ADGRL3: variants seen among roughly 807,000 people sequenced by gnomAD.
ADGRL3 encodes calcium-independent alpha-latrotoxin receptor 3.
ADGRL3 carries 62 observed loss-of-function variants against 153.5 expected under a neutral mutation model. The ratio of observed to expected loss-of-function variants is 0.40; its 90% confidence interval spans 0.33 to 0.50. The LOEUF (loss-of-function observed/expected upper bound fraction) is 0.50, where lower values mean the gene tolerates loss of function less well. Among genes scored for constraint, ADGRL3 ranks in the 20% least tolerant of loss-of-function variants. The pLI, the probability that ADGRL3 is intolerant of heterozygous loss-of-function variation, is 0.47. For synonymous variants in ADGRL3, 710 were observed against 672.5 expected (o/e 1.06, Z -0.86); for missense variants, 1,641 against 1,859.4 (o/e 0.88, Z 2.16).
At chr4:61,277,570 C>T (rs1420368249) in intron 1 of ADGRL3, among the ~76,000 whole-genome samples, 1 of 151,798 alleles carries the variant, frequency 6.6e-6, no homozygotes, top group East Asian at 1.9e-4. Context: ...CTAAAATCCA[C>T]AATCCAAAAT....
At position 61,391,926 on chromosome 4, in the gene ADGRL3, C is replaced by T. The variant is rs2096810085; in HGVS notation, c.-174+8737C>T. 2.1e-5 allele frequency among the ~76,000 whole-genome samples: 3 copies of T among 140,566 alleles called. No individual in the cohort carries two copies. In the Admixed American group the frequency reaches 2.3e-4, roughly 11 times the overall value. 92.2% of individuals were successfully genotyped at this position (140,566 alleles called of 152,430 possible). A position where few individuals can be genotyped will look rare whatever the true frequency, so the allele number is the denominator to read the frequency against. On this transcript the variant is annotated intron_variant, in intron 2 of 26. Transcript: ENST00000683033. ...CCAGGCTGGAGTGCAGTGGCGCGAG[C>T]TCGCCTCACTGCAAGCTCCGCCTCC...
chr4:62,044,358 G>A, intron 24 of ADGRL3, 95 bp from the exon 25 acceptor site: 1 of 803,130 alleles, frequency 1.2e-6, no homozygotes, highest in Non-Finnish European at 2.1e-6. Context: ...AGAAACAAAG[G>A]TCTCATATAA....
At chr4:61,751,620 A>G (rs59325906) in intron 8 of ADGRL3, among the ~76,000 whole-genome samples, 13,281 of 152,230 alleles carry the variant, frequency 0.087, 1,239 homozygotes, top group African/African-American at 0.23. Flanking sequence ...CAAATTTGAA[A>G]AAACGATTTA....
At chr4:61,541,317 G>T (rs151327614) in intron 4 of ADGRL3, among the ~76,000 whole-genome samples, 240 of 151,660 alleles carry the variant, frequency 1.6e-3, no homozygotes, top group African/African-American at 5.6e-3. Flanking sequence ...TGAGGGCAAG[G>T]GTGGAGCAGA....
At chr4:62,004,057 T>TA (rs2099149528) in intron 21 of ADGRL3, among the ~76,000 whole-genome samples, 1 of 152,076 alleles carries the variant, frequency 6.6e-6, no homozygotes, top group South Asian at 2.1e-4. Flanking sequence ...TAAATGTTAG[T>TA]AAAAACAAGT....
At position 61,634,457 on chromosome 4, in the gene ADGRL3, C is replaced by A. The variant is rs780983784; in HGVS notation, c.474-42369C>A. Among the ~76,000 whole-genome samples, 231 of 152,178 alleles carry A rather than the reference C, an allele frequency of 1.5e-3. 5 individuals are homozygous for A. The highest frequency in any genetic ancestry group is 3.1e-4 in the Non-Finnish European group (21 of 68,004). On this transcript the variant is annotated intron_variant, in intron 5 of 26. Transcript: ENST00000683033. ...TTAAAGTGATTTTCTTGTAGTGTTT[C>A]TCTGAAAATTAAATGGCATAATATG... is the stretch of plus-strand genomic sequence containing the variant.
At chr4:61,689,090 G>C (rs886666377) in intron 6 of ADGRL3, among the ~76,000 whole-genome samples, 6 of 152,134 alleles carry the variant, frequency 3.9e-5, no homozygotes, top group East Asian at 3.9e-4. Context: ...GGGTTATTTT[G>C]TCACTGAAAT....
intron 6 of ADGRL3, among the ~76,000 whole-genome samples, chr4:61,703,800 C>A (rs1351832079): frequency 6.6e-6 from 1 of 151,812 alleles, no homozygotes; most frequent in Non-Finnish European, 1.5e-5. Context: ...CTATATGATA[C>A]TTCTTTATAT....
At chr4:61,991,598 G>C (rs1405768569) in intron 19 of ADGRL3, among the ~76,000 whole-genome samples, 2 of 151,918 alleles carry the variant, frequency 1.3e-5, no homozygotes, top group Non-Finnish European at 2.9e-5. Context: ...TCAAATGCTA[G>C]TCTTGACCAC....
At position 61,497,279 on chromosome 4, in the gene ADGRL3, C is replaced by T; in HGVS notation, c.-15C>T. The T allele has an allele frequency of 1.3e-6, 2 of 1,559,574 alleles. No homozygotes were observed. Among genetic ancestry groups the T allele is most frequent in the Non-Finnish European group, 8.8e-7 (1 of 1,136,730 alleles). ...AGTCATTCTTGAGGAATACTCCATA[C>T]CTGAGTAGACAGCCATGTGGCCATC... On this transcript the variant is annotated 5_prime_UTR_variant, in exon 3 of 27. Coordinates refer to ENST00000683033, the MANE Select transcript of ADGRL3 (RefSeq NM_001387552.1).
At chr4:61,758,201 C>T (rs1244923884) in intron 8 of ADGRL3, among the ~76,000 whole-genome samples, 3 of 152,062 alleles carry the variant, frequency 2.0e-5, no homozygotes, top group African/African-American at 7.2e-5. Context: ...TATCCCTGGA[C>T]AATCCCTGGA....
intron 2 of ADGRL3, 26 bp downstream of exon 2, chr4:61,383,215 C>T (rs2096692405): frequency 6.6e-6 from 1 of 151,090 alleles, no homozygotes; most frequent in Non-Finnish European, 1.5e-5. Flanking sequence ...TTATTGCCAA[C>T]CATATAATTT....
At chr4:61,965,278 C>T (rs908880752) in intron 17 of ADGRL3, among the ~76,000 whole-genome samples, 9 of 151,966 alleles carry the variant, frequency 5.9e-5, no homozygotes, top group African/African-American at 2.2e-4. Flanking sequence ...GGATTACAGG[C>T]GTGAGCCACT....
intron 1 of ADGRL3, among the ~76,000 whole-genome samples, chr4:61,380,188 C>T (rs891721005): frequency 2.0e-5 from 3 of 151,800 alleles, no homozygotes; most frequent in Admixed American, 2.0e-4. Flanking sequence ...GACACAGACT[C>T]ACATTTTCTG....
At chr4:61,687,863 T>G (rs1440120894) in intron 6 of ADGRL3, among the ~76,000 whole-genome samples, 1 of 152,084 alleles carries the variant, frequency 6.6e-6, no homozygotes, top group African/African-American at 2.4e-5. Flanking sequence ...TAAATACATA[T>G]TTATTGACTT....
At chr4:61,435,548 C>G (rs756788214) in intron 2 of ADGRL3, among the ~76,000 whole-genome samples, 69 of 152,062 alleles carry the variant, frequency 4.5e-4, no homozygotes, top group Non-Finnish European at 6.8e-4. Flanking sequence ...TGTATATAGA[C>G]TCAGCAGGTC....
chr4:62,007,457 C>CATATATGTAT (rs2099165493), intron 21 of ADGRL3, among the ~76,000 whole-genome samples: 1 of 103,734 alleles, frequency 9.6e-6, no homozygotes, highest in Admixed American at 1.0e-4. Context: ...CATATATATA[C>CATATATGTAT]ATATATGTGT....
intron 15 of ADGRL3, among the ~76,000 whole-genome samples, chr4:61,936,563 G>A (rs1401591039): frequency 1.7e-4 from 26 of 152,036 alleles, no homozygotes; most frequent in African/African-American, 6.3e-4. Flanking sequence ...TGAATACACT[G>A]AAAATAATTA....
At chr4:61,914,320 T>C (rs1196276734) in intron 13 of ADGRL3, among the ~76,000 whole-genome samples, 1 of 152,138 alleles carries the variant, frequency 6.6e-6, no homozygotes, top group Non-Finnish European at 1.5e-5. Flanking sequence ...TCCTGATCTA[T>C]AGCTAGGTTC....
Sources: allele counts gnomAD v4.1 joint callset (sites outside exome capture counted in the v4.1 genomes callset), GRCh38; gene constraint gnomAD v4.1.1; transcripts MANE v1.5; gene names NCBI Gene and HGNC (gene_info 2026-07-23, HGNC 2026-07-21).